The following ZNF444 variants were observed in gnomAD, a reference collection of about 807,000 sequenced individuals.
ZNF444 encodes the protein zinc finger protein 444.
A neutral mutation model predicts 14.4 loss-of-function variants in ZNF444; 8 were observed. That is an observed-to-expected ratio of 0.56 (90% CI 0.33 to 1.00). ZNF444 has a LOEUF of 1.00. Among genes scored for constraint, ZNF444 ranks in the 50% least tolerant of loss-of-function variants. ZNF444 has a pLI of 0.03. For synonymous variants in ZNF444, 258 were observed against 235.9 expected (o/e 1.09, Z -0.86); for missense variants, 510 against 504.8 (o/e 1.01, Z -0.10).
At chr19:56,138,792 C>CTTTTT (rs59273024), upstream of ZNF444, among the ~76,000 whole-genome samples, 866 of 92,782 alleles carry the variant, frequency 9.3e-3, 40 homozygotes, top group Non-Finnish European at 0.012. Context: ...CTTGAATGTA[C>CTTTTT]TTTTTTTTTT....
At chr19:56,134,428 G>A (rs1018736828) in intron 1 of ZNF444, among the ~76,000 whole-genome samples, 1 of 152,118 alleles carries the variant, frequency 6.6e-6, no homozygotes, top group Non-Finnish European at 1.5e-5. Context: ...AAGGAGGGTT[G>A]GTCTCTGTTG....
At position 56,147,319 on chromosome 19, in the gene ZNF444, C is replaced by T. The variant is rs2031258491; in HGVS notation, c.297+111C>T. The T allele has an allele frequency of 8.0e-6, 10 of 1,253,224 alleles. No homozygotes were observed. Among genetic ancestry groups the T allele is most frequent in the South Asian group, 1.8e-5 (1 of 54,708 alleles). 77.6% of individuals were successfully genotyped at this position (1,253,224 alleles called of 1,614,324 possible). On this transcript the variant is annotated intron_variant, in intron 3 of 4. Coordinates refer to ENST00000337080, the MANE Select transcript of ZNF444 (RefSeq NM_018337.4). The surrounding 1 kb of genome is among the most constrained non-coding windows in gnomAD (Gnocchi z 5.9). ...AACCCCTGAAAACCAGTGTGACTCG[C>T]GGTGGGGAGGCTGCGGTACAGGCTG...
intron 1 of ZNF444, chr19:56,143,474 C>T (rs1457958385): frequency 6.6e-6 from 1 of 152,198 alleles, no homozygotes. Flanking sequence ...GTCTTTCTGC[C>T]TGCTCCCAGG....
rs762228579 is a variant in ZNF444 at position 56,146,251 on chromosome 19, G to C, written c.-192G>C. On this transcript the variant is annotated 5_prime_UTR_variant, in exon 2 of 5. Transcript: ENST00000337080. ...GTTTTCTGGTTGAATCCTCAGGACAGGCTGCGGGAGGAGCTGCAGGACTGA... is the reference window on the plus strand; with the variant it reads ...GTTTTCTGGTTGAATCCTCAGGACACGCTGCGGGAGGAGCTGCAGGACTGA... 2.6e-5 allele frequency: 4 copies of C among 152,660 alleles called. No homozygotes were observed. Among genetic ancestry groups the C allele is most frequent in the African/African-American group, 9.7e-5 (4 of 41,444 alleles). The allele number at this position is 152,660 out of a possible 1,614,324, so 9.5% of individuals were successfully genotyped here.
chr19:56,159,847 T>C lies in ZNF444; in HGVS notation c.630T>C (p.Pro210=). 6.4e-7 allele frequency: 1 copy of C among 1,555,622 alleles called. No individual in the cohort carries two copies. The highest frequency in any genetic ancestry group is 8.6e-7 in the Non-Finnish European group (1 of 1,157,022). The part of the protein sequence containing the change: ...SHSGEKPHAC[P]ECGKAFRRKE... ...CGGGCGAGAAGCCGCACGCCTGCCC[T>C]GAGTGCGGGAAGGCCTTTCGGCGCA... The change falls in exon 5 of 5, where the codon CCT becomes CCC. Residue 210 remains proline (P), a synonymous_variant. Transcript: ENST00000337080.
At position 56,147,136 on chromosome 19, in the gene ZNF444, C is replaced by T. The variant is rs2031244051; in HGVS notation, c.225C>T (p.Asp75=). ...AGTTCCTGAGCGCGCTGCCCGCCGACACGCAGGCCTGGGTGTGCAGCCGGC... is the reference window on the plus strand; with the variant it reads ...AGTTCCTGAGCGCGCTGCCCGCCGATACGCAGGCCTGGGTGTGCAGCCGGC... ...LEQFLSALPA[D]TQAWVCSRQP... The change falls in exon 3 of 5, where the codon GAC becomes GAT. Residue 75 remains aspartate (D), a synonymous_variant. Transcript: ENST00000337080. The surrounding 1 kb of genome is among the most constrained non-coding windows in gnomAD (Gnocchi z 5.9). 1.9e-6 allele frequency: 3 copies of T among 1,549,724 alleles called. No individual in the cohort carries two copies. Among genetic ancestry groups the T allele is most frequent in the Admixed American group, 1.9e-5 (1 of 51,362 alleles).
rs1275001212 is a variant in ZNF444, at chr19:56,144,951, A to G, written c.-196-1296A>G. Among the ~76,000 whole-genome samples the G allele has an allele frequency of 6.6e-6, 1 of 152,216 alleles. No homozygotes were observed. The highest frequency in any genetic ancestry group is 1.5e-5 in the Non-Finnish European group (1 of 68,040). On this transcript the variant is annotated intron_variant, in intron 1 of 4. Transcript: ENST00000337080. The surrounding 1 kb of genome is among the most constrained non-coding windows in gnomAD (Gnocchi z 4.0). ...AGGGGCCGGCAGTCTTGTCCTGTAA[A>G]GAGCCAGCGAGTGACTATCTTTGGC...
chr19:56,150,211 T>C, intron 3 of ZNF444: 1 of 216,164 alleles, frequency 4.6e-6, no homozygotes, highest in South Asian at 6.9e-5. Flanking sequence ...GCCATCTGTT[T>C]TGTTGGCATT....
rs61365745 is a variant in ZNF444 at position 56,132,935 on chromosome 19, C to CTTTTTTTTTTTTTTTTT, written c.-197+161_-197+177dup. ...TTTCTTTTTCTTTCTTTCTTTCTTT[C>CTTTTTTTTTTTTTTTTT]TTTTTTTTTTTTTTTTTTTTGAGAC... On this transcript the variant is annotated intron_variant, in intron 1 of 2. Transcript: ENST00000587467. Among the ~76,000 whole-genome samples, 30 of 94,260 alleles carry CTTTTTTTTTTTTTTTTT rather than the reference C, an allele frequency of 3.2e-4. 2 individuals carry two copies. Among genetic ancestry groups the CTTTTTTTTTTTTTTTTT allele is most frequent in the Non-Finnish European group, 4.6e-4 (24 of 52,600 alleles). 61.8% of individuals were successfully genotyped at this position (94,260 alleles called of 152,430 possible).
At chr19:56,157,658 C>G (rs1253894207) in intron 3 of ZNF444, 1 of 152,354 alleles carries the variant, frequency 6.6e-6, no homozygotes, top group Non-Finnish European at 1.5e-5. Flanking sequence ...CCGCCTCAGC[C>G]TCCCAAAGTG....
At chr19:56,146,506 A>G (rs2031189805) in intron 2 of ZNF444, 86 bp downstream of exon 2, 1 of 162,300 alleles carries the variant, frequency 6.2e-6, no homozygotes. Context: ...CGCGGGTCCC[A>G]GGCCGGGTGC....
intron 2 of ZNF444, 36 bp from the exon 3 acceptor site, chr19:56,146,854 C>G: frequency 7.5e-7 from 1 of 1,328,290 alleles, no homozygotes; most frequent in South Asian, 1.9e-5. Context: ...GGCAGGGTCT[C>G]GGCGGGCAGG....
At position 56,160,582 on chromosome 19, in the gene ZNF444, G is replaced by C. The variant is rs958973485; in HGVS notation, c.*381G>C. On this transcript the variant is annotated 3_prime_UTR_variant, in exon 5 of 5. Coordinates refer to ENST00000337080, the MANE Select transcript of ZNF444 (RefSeq NM_018337.4). ...CCTGAAGAGCAGAGGTGAGGACCTG[G>C]GACCCCTGAGGGGCAGGCCAGGAGG... 39 of 217,530 alleles carry C rather than the reference G, an allele frequency of 1.8e-4. No homozygotes were observed. The highest frequency in any genetic ancestry group is 3.1e-4 in the Non-Finnish European group (35 of 111,460). The allele number at this position is 217,530 out of a possible 1,614,324, so 13.5% of individuals were successfully genotyped here. A position where few individuals can be genotyped will look rare whatever the true frequency, so the allele number is the denominator to read the frequency against.
upstream of ZNF444, among the ~76,000 whole-genome samples, chr19:56,138,463 C>CA (rs902965665): frequency 1.8e-4 from 27 of 149,296 alleles, no homozygotes; most frequent in South Asian, 1.5e-3. Context: ...GCTGTCCCTA[C>CA]AAAAAAAAGA....
chr19:56,136,081 C>CA lies in ZNF444; in HGVS notation c.-197+3323dup, dbSNP rs1199112916. On this transcript the variant is annotated intron_variant, in intron 1 of 2. Transcript: ENST00000587467. The stretch of plus-strand genomic sequence containing the variant: ...TGGGTGACAGAGCGAGATTCCGTCT[C>CA]AAAAAAAAAAAAAAAAAAAAGCTAA... 5.5e-3 allele frequency among the ~76,000 whole-genome samples: 326 copies of CA among 59,458 alleles called. 11 individuals carry two copies. Among genetic ancestry groups the CA allele is most frequent in the African/African-American group, 0.023 (294 of 12,732 alleles). The allele number at this position is 59,458 out of a possible 152,430, so 39.0% of individuals were successfully genotyped here. A position where few individuals can be genotyped will look rare whatever the true frequency, so the allele number is the denominator to read the frequency against.
chr19:56,148,894 C>T (rs1227030125), intron 3 of ZNF444, among the ~76,000 whole-genome samples: 1 of 152,184 alleles, frequency 6.6e-6, no homozygotes, highest in Non-Finnish European at 1.5e-5. Flanking sequence ...ATCTGCAGAG[C>T]CACGTCCCTT....
chr19:56,152,447 C>T (rs907809308), intron 3 of ZNF444, among the ~76,000 whole-genome samples: 1 of 149,928 alleles, frequency 6.7e-6, no homozygotes, highest in Non-Finnish European at 1.5e-5. Context: ...TCTCCATTCT[C>T]CTGTTGAAGG....
chr19:56,159,514 C>A, intron 4 of ZNF444, 110 bp from the exon 5 acceptor site: 1 of 982,150 alleles, frequency 1.0e-6, no homozygotes, highest in Non-Finnish European at 1.4e-6. Context: ...CCTCTTCCCA[C>A]CCCAATGGTT....
At position 56,147,292 on chromosome 19, in the gene ZNF444, T is replaced by G; in HGVS notation, c.297+84T>G. ...CAGGAAGCCCAGGGAGGAGCACCAC[T>G]GAACCCCTGAAAACCAGTGTGACTC... On this transcript the variant is annotated intron_variant, in intron 3 of 4. Coordinates refer to ENST00000337080, the MANE Select transcript of ZNF444 (RefSeq NM_018337.4). The surrounding 1 kb of genome is among the most constrained non-coding windows in gnomAD (Gnocchi z 5.9). 5.2e-6 allele frequency: 7 copies of G among 1,353,624 alleles called. No individual in the cohort carries two copies. The highest frequency in any genetic ancestry group is 6.7e-6 in the Non-Finnish European group (7 of 1,050,538). 83.9% of individuals were successfully genotyped at this position (1,353,624 alleles called of 1,614,324 possible). A position where few individuals can be genotyped will look rare whatever the true frequency, so the allele number is the denominator to read the frequency against.
Sources: allele counts gnomAD v4.1 joint callset (sites outside exome capture counted in the v4.1 genomes callset), GRCh38; gene constraint gnomAD v4.1.1; non-coding constraint Gnocchi (gnomAD v3.1); transcripts MANE v1.5; gene names NCBI Gene and HGNC (gene_info 2026-07-23, HGNC 2026-07-21).